CTTNBP2NL: variants seen among roughly 807,000 people sequenced by gnomAD.
The protein encoded by CTTNBP2NL is CTTNBP2 N-terminal like.
In CTTNBP2NL, 16 loss-of-function variants were observed where a neutral mutation model predicts 32.5. The ratio of observed to expected loss-of-function variants is 0.49; its 90% CI spans 0.33 to 0.75. The LOEUF is 0.75. Among genes scored for constraint, CTTNBP2NL ranks in the 30% least tolerant of loss-of-function variants. The probability of loss-of-function intolerance (pLI) is 0.02; values close to 1 mark genes in which losing one functional copy is unlikely to be tolerated. For missense variants in CTTNBP2NL, 645 were observed against 756.0 expected (o/e 0.85, Z 1.72); for synonymous variants, 298 against 289.4 (o/e 1.03, Z -0.30).
At chr1:112,416,374 A>T in intron 3 of CTTNBP2NL, 110 bp downstream of exon 3, 2 of 629,682 alleles carry the variant, frequency 3.2e-6, no homozygotes, top group Non-Finnish European at 5.4e-6. Flanking sequence ...AATTAAATGG[A>T]GGACATACTG....
chr1:112,391,934 T>A (rs1172984496), upstream of CTTNBP2NL, among the ~76,000 whole-genome samples: 1 of 152,004 alleles, frequency 6.6e-6, no homozygotes, highest in Non-Finnish European at 1.5e-5. Flanking sequence ...GAGGTTGCGG[T>A]GAGCAGAGAT....
upstream of CTTNBP2NL, among the ~76,000 whole-genome samples, chr1:112,393,543 C>T (rs1232322534): frequency 6.6e-6 from 1 of 152,158 alleles, no homozygotes; most frequent in Admixed American, 6.5e-5. Context: ...CACCTATGCA[C>T]CAGACTCTAA....
At chr1:112,397,734 G>T (rs1648373124) in intron 1 of CTTNBP2NL, among the ~76,000 whole-genome samples, 1 of 152,074 alleles carries the variant, frequency 6.6e-6, no homozygotes, top group Non-Finnish European at 1.5e-5. Context: ...CATGTTTTTA[G>T]CATAGTTTCT....
At chr1:112,418,354 G>A (rs570280889) in intron 3 of CTTNBP2NL, among the ~76,000 whole-genome samples, 3 of 152,104 alleles carry the variant, frequency 2.0e-5, no homozygotes, top group African/African-American at 7.2e-5. Context: ...CCATAATTAC[G>A]TTCTTTTTCT....
At chr1:112,418,683 G>C (rs554953617) in intron 3 of CTTNBP2NL, among the ~76,000 whole-genome samples, 8 of 152,160 alleles carry the variant, frequency 5.3e-5, no homozygotes, top group Admixed American at 1.3e-4. Flanking sequence ...CTCATGAACT[G>C]TCTGGGGGAA....
At chr1:112,449,214 T>TTA (rs1193382505) in intron 4 of CTTNBP2NL, 42 bp downstream of exon 4, 1 of 1,156,754 alleles carries the variant, frequency 8.6e-7, no homozygotes, top group South Asian at 1.3e-5. Context: ...TGTGAAGTCT[T>TTA]TATAAATTAT....
chr1:112,452,856 G>T (rs1028891746), intron 4 of CTTNBP2NL, among the ~76,000 whole-genome samples: 4 of 151,826 alleles, frequency 2.6e-5, no homozygotes, highest in African/African-American at 9.7e-5. Context: ...GGCACAGTGG[G>T]TCACACCTGT....
chr1:112,456,327 G>C lies in CTTNBP2NL; in HGVS notation c.835G>C (p.Ala279Pro). ...AAAGAAGATAGTGAAGGACCTAGAGGCTTCCCACCAGCACAGTAGCCCTAA... is the reference window on the plus strand; with the variant it reads ...AAAGAAGATAGTGAAGGACCTAGAGCCTTCCCACCAGCACAGTAGCCCTAA... ...SLKKIVKDLE[A>P]SHQHSSPNEQ... The change falls in exon 6 of 6, where the codon GCT becomes CCT. Residue 279 changes from alanine to proline, a missense_variant. Physicochemically the swap from Ala to Pro is conservative, Grantham distance 27. Coordinates refer to ENST00000271277, the MANE Select transcript of CTTNBP2NL (RefSeq NM_018704.3). The C allele has an allele frequency of 6.2e-7, 1 of 1,613,948 alleles. No individual in the cohort carries two copies. Among genetic ancestry groups the C allele is most frequent in the Non-Finnish European group, 8.5e-7 (1 of 1,180,024 alleles).
chr1:112,420,234 C>G (rs1038039999), intron 3 of CTTNBP2NL, among the ~76,000 whole-genome samples: 3 of 151,790 alleles, frequency 2.0e-5, no homozygotes, highest in Non-Finnish European at 4.4e-5. Context: ...CAGCCTCCGC[C>G]TCCTGAGTTC....
Position 112,433,365 on chromosome 1 carries a change from G to A in CTTNBP2NL, c.100-15577G>A, listed in dbSNP as rs144263362. ...TCCCAGCACTTTGGGAGGCCAAGGT[G>A]GGTGGATTACTTGAGGTCAGGAGTT... On this transcript the variant is annotated intron_variant, in intron 3 of 5. Coordinates refer to ENST00000271277, the MANE Select transcript of CTTNBP2NL (RefSeq NM_018704.3). 2.8e-3 allele frequency among the ~76,000 whole-genome samples: 421 copies of A among 152,294 alleles called. 2 individuals carry two copies. The highest frequency in any genetic ancestry group is 9.3e-3 in the African/African-American group (388 of 41,558).
intron 3 of CTTNBP2NL, among the ~76,000 whole-genome samples, chr1:112,420,367 A>G (rs1649193768): frequency 6.6e-6 from 1 of 151,428 alleles, no homozygotes; most frequent in Non-Finnish European, 1.5e-5. Flanking sequence ...GCTGGTCTTG[A>G]ACTCCTGACT....
chr1:112,453,524 G>T lies in CTTNBP2NL; in HGVS notation c.331-925G>T, dbSNP rs375815921. Among the ~76,000 whole-genome samples the T allele has an allele frequency of 3.3e-5, 5 of 152,182 alleles. No homozygotes were observed. The South Asian group carries it at 6.2e-4, about 19-fold the overall frequency. On this transcript the variant is annotated intron_variant, in intron 4 of 5. Transcript: ENST00000271277. The stretch of plus-strand genomic sequence containing the variant: ...CCCAGCATTTTGGGAGGCTGAGGCG[G>T]GTGGATCACTTGAGCCCAGGAGTTC...
At chr1:112,452,353 TTTTTTTTTTA>T (rs1286424862) in intron 4 of CTTNBP2NL, among the ~76,000 whole-genome samples, 2 of 145,732 alleles carry the variant, frequency 1.4e-5, no homozygotes, top group African/African-American at 2.6e-5. Flanking sequence ...TTTTTTTTTT[TTTTTTTTTTA>T]GACAGAGTTT....
At chr1:112,404,537 G>A (rs1483466351) in intron 1 of CTTNBP2NL, among the ~76,000 whole-genome samples, 1 of 152,192 alleles carries the variant, frequency 6.6e-6, no homozygotes, top group Non-Finnish European at 1.5e-5. Flanking sequence ...ATTCCAGGCT[G>A]CCTCTAGAAT....
At chr1:112,425,108 C>T (rs1033909151) in intron 3 of CTTNBP2NL, among the ~76,000 whole-genome samples, 7 of 151,586 alleles carry the variant, frequency 4.6e-5, no homozygotes, top group African/African-American at 1.2e-4. Context: ...GGATTACAAG[C>T]GTGAGCCACT....
At position 112,433,272 on chromosome 1, in the gene CTTNBP2NL, A is replaced by G. The variant is rs534847462; in HGVS notation, c.100-15670A>G. ...TGTGTGGGGGTGTGTGTGTGTGTGT[A>G]TGTGCGTGCATGCGTGCGTTTTGTT... is the stretch of plus-strand genomic sequence containing the variant. On this transcript the variant is annotated intron_variant, in intron 3 of 5. Transcript: ENST00000271277. Among the ~76,000 whole-genome samples, 36 of 151,950 alleles carry G rather than the reference A, an allele frequency of 2.4e-4. No homozygotes were observed. In the East Asian group the frequency reaches 6.4e-3, roughly 27 times the overall value.
chr1:112,415,560 T>C (rs1649028601), intron 2 of CTTNBP2NL, among the ~76,000 whole-genome samples: 2 of 105,816 alleles, frequency 1.9e-5, no homozygotes, highest in South Asian at 6.4e-4. Context: ...GCTTTTTTTT[T>C]GGTTTTTTTT....
chr1:112,456,244 C>T lies in CTTNBP2NL; in HGVS notation c.752C>T (p.Ala251Val). The change falls in exon 6 of 6, where the codon GCA becomes GTA. Residue 251 changes from alanine (A) to valine (V), a missense_variant. By Grantham distance (64) the Ala-to-Val change is moderately conservative. Transcript: ENST00000271277. ...EFDIEREQLR[A>V]KLNREENRTK... ...GACATCGAAAGGGAACAACTGAGAGCAAAACTGAACCGAGAAGAGAACCGG... is the reference window on the plus strand; with the variant it reads ...GACATCGAAAGGGAACAACTGAGAGTAAAACTGAACCGAGAAGAGAACCGG... 6.2e-7 allele frequency: 1 copy of T among 1,613,966 alleles called. No individual in the cohort carries two copies. Among genetic ancestry groups the T allele is most frequent in the South Asian group, 1.1e-5 (1 of 91,070 alleles).
chr1:112,417,661 ACT>A (rs1426968090), intron 3 of CTTNBP2NL, among the ~76,000 whole-genome samples: 4 of 152,122 alleles, frequency 2.6e-5, no homozygotes, highest in African/African-American at 9.7e-5. Context: ...CTGAGGCTTA[ACT>A]CTGTGCAGTT....
Sources: allele counts gnomAD v4.1 joint callset (sites outside exome capture counted in the v4.1 genomes callset), GRCh38; gene constraint gnomAD v4.1.1; transcripts MANE v1.5; gene names NCBI Gene and HGNC (gene_info 2026-07-23, HGNC 2026-07-21).